GPC5: variants seen among roughly 807,000 people sequenced by gnomAD.
The protein encoded by GPC5 is glypican-5.
Under a neutral mutation model 53.9 loss-of-function variants are expected in GPC5, and 47 were observed. The observed-to-expected ratio is 0.87, with a 90% confidence interval of 0.69 to 1.11. The LOEUF is 1.11. GPC5 is among the 50% of genes most tolerant of loss of function. GPC5 has a pLI of 0.00. For synonymous variants in GPC5, 286 were observed against 263.3 expected (o/e 1.09, Z -0.84); for missense variants, 748 against 713.1 (o/e 1.05, Z -0.56).
chr13:92,092,782 T>A (rs932068380), intron 6 of GPC5, among the ~76,000 whole-genome samples: 4 of 152,170 alleles, frequency 2.6e-5, no homozygotes, highest in African/African-American at 9.6e-5. Flanking sequence ...ATGGTTCTCA[T>A]ACAAATGTAA....
chr13:91,497,879 G>C (rs781478789), intron 2 of GPC5, among the ~76,000 whole-genome samples: 2 of 152,178 alleles, frequency 1.3e-5, no homozygotes, highest in Non-Finnish European at 2.9e-5. Context: ...CATGCAAGGT[G>C]TGATAATCAT....
intron 2 of GPC5, among the ~76,000 whole-genome samples, chr13:91,507,875 A>C (rs1333829891): frequency 3.9e-5 from 6 of 152,232 alleles, no homozygotes; most frequent in Admixed American, 3.9e-4. Flanking sequence ...AGCTTATCAA[A>C]AAATGTTTAA....
At chr13:92,078,821 T>C (rs1487902271) in intron 6 of GPC5, among the ~76,000 whole-genome samples, 1 of 152,206 alleles carries the variant, frequency 6.6e-6, no homozygotes, top group Non-Finnish European at 1.5e-5. Flanking sequence ...TTTTTAAAAC[T>C]ACACTATCTC....
At chr13:91,658,176 A>C (rs1376655075) in intron 2 of GPC5, among the ~76,000 whole-genome samples, 1 of 152,150 alleles carries the variant, frequency 6.6e-6, no homozygotes, top group African/African-American at 2.4e-5. Flanking sequence ...TGAAAGCAAA[A>C]CTTGATTTAG....
chr13:92,866,391 G>A lies in GPC5; in HGVS notation c.1671G>A (p.Met557Ile). 6 of 1,612,294 alleles carry A rather than the reference G, an allele frequency of 3.7e-6. No homozygotes were observed. Among genetic ancestry groups the A allele is most frequent in the African/African-American group, 1.3e-5 (1 of 74,930 alleles). ...GATGTGCAGTGGCGACTGAATCTAT[G>A]ACATTCACTCTGATAAGTGTGGTGA... Reference protein sequence around the residue: ...GAGCAVATESMTFTLISVVML... With the variant: ...GAGCAVATESITFTLISVVML... Residue 557 changes from methionine (M) to isoleucine (I), a missense_variant, in exon 8 of 8, where the codon ATG becomes ATA. Coordinates refer to ENST00000377067, the MANE Select transcript of GPC5 (RefSeq NM_004466.6).
chr13:91,447,782 C>T lies in GPC5; in HGVS notation c.164-979C>T, dbSNP rs1594102555. On this transcript the variant is annotated intron_variant, in intron 1 of 7. Coordinates refer to ENST00000377067, the MANE Select transcript of GPC5 (RefSeq NM_004466.6). Reference sequence around the variant, plus strand: ...TGTGAAACTCACAGAGATTAAGGGCCACAATTCTTCTTGTTATTCTAAAGT... The same window carrying T: ...TGTGAAACTCACAGAGATTAAGGGCTACAATTCTTCTTGTTATTCTAAAGT... Among the ~76,000 whole-genome samples the T allele has an allele frequency of 2.0e-5, 3 of 152,114 alleles. No homozygotes were observed. In the East Asian group the frequency reaches 5.8e-4, roughly 29 times the overall value.
intron 2 of GPC5, among the ~76,000 whole-genome samples, chr13:91,491,107 A>G (rs1181339435): frequency 6.6e-6 from 1 of 152,132 alleles, no homozygotes; most frequent in African/African-American, 2.4e-5. Context: ...TCATGAAATG[A>G]TATTAGTTAT....
In GPC5 at chr13:91,919,670, C is replaced by T. The variant is rs528243982; in HGVS notation, c.1401+11613C>T. ...GACAGGCGTGTATTGCTTAACTTCT[C>T]GGGCCAACATTGCATCCCAGATAAC... On this transcript the variant is annotated intron_variant, in intron 6 of 7. Coordinates refer to ENST00000377067, the MANE Select transcript of GPC5 (RefSeq NM_004466.6). 3.3e-5 allele frequency among the ~76,000 whole-genome samples: 5 copies of T among 152,170 alleles called. No homozygotes were observed. In the East Asian group the frequency reaches 7.7e-4, roughly 24 times the overall value.
At chr13:91,578,537 A>G (rs1350496630) in intron 2 of GPC5, among the ~76,000 whole-genome samples, 2 of 152,138 alleles carry the variant, frequency 1.3e-5, no homozygotes, top group Non-Finnish European at 2.9e-5. Flanking sequence ...TCCAAATCTG[A>G]TAGTATGACC....
intron 2 of GPC5, among the ~76,000 whole-genome samples, chr13:91,649,657 G>C (rs2034648085): frequency 6.6e-6 from 1 of 152,192 alleles, no homozygotes; most frequent in African/African-American, 2.4e-5. Flanking sequence ...ACGATGCAGA[G>C]AATGTCTATA....
At chr13:91,740,028 T>C (rs2036896405) in intron 4 of GPC5, among the ~76,000 whole-genome samples, 1 of 146,756 alleles carries the variant, frequency 6.8e-6, no homozygotes. Context: ...GTGAAATGCA[T>C]GCTTCAGTGC....
intron 7 of GPC5, among the ~76,000 whole-genome samples, chr13:92,367,563 T>C (rs1194582196): frequency 6.6e-6 from 1 of 152,226 alleles, no homozygotes; most frequent in Non-Finnish European, 1.5e-5. Flanking sequence ...GTACCCAATA[T>C]ATGACAAAGT....
chr13:92,166,561 C>T (rs1317540092), intron 7 of GPC5, among the ~76,000 whole-genome samples: 1 of 151,922 alleles, frequency 6.6e-6, no homozygotes, highest in Non-Finnish European at 1.5e-5. Flanking sequence ...GTTTCATTAG[C>T]CCTAATCTGC....
intron 2 of GPC5, among the ~76,000 whole-genome samples, chr13:91,592,760 G>C (rs1414708): frequency 0.88 from 134,635 of 152,214 alleles, 60,508 homozygotes; most frequent in Non-Finnish European, 0.96. Context: ...AACATAATCA[G>C]GTGCAGGAAA....
intron 7 of GPC5, among the ~76,000 whole-genome samples, chr13:92,225,806 T>G (rs1328468947): frequency 6.6e-6 from 1 of 152,180 alleles, no homozygotes; most frequent in African/African-American, 2.4e-5. Context: ...TGTCTTTTTT[T>G]TCTTTATTTC....
intron 3 of GPC5, among the ~76,000 whole-genome samples, chr13:91,710,618 C>T (rs2036204112): frequency 1.3e-5 from 2 of 152,130 alleles, no homozygotes; most frequent in South Asian, 4.1e-4. Context: ...TTCAGGAATG[C>T]AAACATCAGG....
rs537296187 is a variant in GPC5 at position 91,455,188 on chromosome 13, C to T, written c.325+6266C>T. 1.3e-3 allele frequency among the ~76,000 whole-genome samples: 205 copies of T among 151,984 alleles called. 1 individual carries two copies. The highest frequency in any genetic ancestry group is 4.5e-3 in the African/African-American group (187 of 41,426). ...TTGCAGTGAACATTCTTGATATCTC[C>T]GTGAGTGCTTGTTTCTCCAGGGTTC... On this transcript the variant is annotated intron_variant, in intron 2 of 7. Transcript: ENST00000377067.
chr13:92,111,317 C>G lies in GPC5; in HGVS notation c.1402-33513C>G, dbSNP rs2041554928. Among the ~76,000 whole-genome samples, 5 of 152,080 alleles carry G rather than the reference C, an allele frequency of 3.3e-5. No individual in the cohort carries two copies. In the South Asian group the frequency reaches 8.3e-4, roughly 25 times the overall value. ...ATGGCATACAACAGCTGAGATTTCT[C>G]TTTACTCATACCCATGCCAAGTAGA... On this transcript the variant is annotated intron_variant, in intron 6 of 7. Coordinates refer to ENST00000377067, the MANE Select transcript of GPC5 (RefSeq NM_004466.6).
Position 92,307,481 on chromosome 13 carries a change from A to G in GPC5, c.1561+162492A>G, listed in dbSNP as rs550176092. On this transcript the variant is annotated intron_variant, in intron 7 of 7. Transcript: ENST00000377067. ...AAACAAAAAGAAAAGAAAGAAAGAA[A>G]TTTGTTCTCCTGTAAAAATAAGTAT... is the stretch of plus-strand genomic sequence containing the variant. Among the ~76,000 whole-genome samples the G allele has an allele frequency of 5.9e-5, 9 of 152,254 alleles. No homozygotes were observed. The South Asian group carries it at 1.9e-3, about 32-fold the overall frequency.
Sources: gnomAD v4.1 joint callset for allele counts (sites outside exome capture counted in the v4.1 genomes callset) on GRCh38, gnomAD v4.1.1 for gene constraint, MANE v1.5 for transcripts, NCBI Gene and HGNC (gene_info 2026-07-23, HGNC 2026-07-21) for gene names.